The following PBX1 variants were observed in gnomAD, a reference collection of about 807,000 sequenced individuals.
PBX1 encodes pre-B-cell leukemia transcription factor 1.
A neutral mutation model predicts 53.4 loss-of-function variants in PBX1; 6 were observed. The ratio of observed to expected loss-of-function variants is 0.11; its 90% confidence interval spans 0.06 to 0.22. PBX1 has a LOEUF of 0.22. Among genes scored for constraint, PBX1 ranks in the 10% least tolerant of loss-of-function variants. PBX1 has a pLI of 1.00. For synonymous variants in PBX1, 204 were observed against 212.3 expected, an observed-to-expected ratio of 0.96 and a Z score of 0.34; for missense variants, 251 against 551.4, an observed-to-expected ratio of 0.46 and a Z score of 5.46.
In PBX1 at chr1:164,850,055, A is replaced by T. The variant is rs1671755927; in HGVS notation, c.*3379A>T. The T allele has an allele frequency of 4.4e-6, 1 of 226,420 alleles. No individual in the cohort carries two copies. The highest frequency in any genetic ancestry group is 2.2e-5 in the African/African-American group (1 of 44,998). 14.0% of individuals were successfully genotyped at this position (226,420 alleles called of 1,614,324 possible). ...TATTCAGATAAAGAAAAAAAAAACC[A>T]AAAAAGCGGTCTGAATTTAATAGTG... On this transcript the variant is annotated 3_prime_UTR_variant, in exon 9 of 9. Transcript: ENST00000420696.
intron 2 of PBX1, among the ~76,000 whole-genome samples, chr1:164,742,401 G>T (rs868080133): frequency 6.6e-6 from 1 of 152,092 alleles, no homozygotes; most frequent in Middle Eastern, 3.2e-3. Context: ...AATTAGCCAG[G>T]CATGGTGATG....
intron 2 of PBX1, among the ~76,000 whole-genome samples, chr1:164,790,737 C>T (rs1467639832): frequency 6.6e-6 from 1 of 152,234 alleles, no homozygotes; most frequent in Non-Finnish European, 1.5e-5. Flanking sequence ...TTCTGAACAA[C>T]GTTCAGGGTT....
chr1:164,583,987 G>T (rs999636645), intron 2 of PBX1, among the ~76,000 whole-genome samples: 17 of 152,112 alleles, frequency 1.1e-4, no homozygotes, highest in Non-Finnish European at 1.5e-5. Flanking sequence ...TTTTCTCCAA[G>T]ATTGCAAGCT....
chr1:164,638,623 G>C (rs1658932792), intron 2 of PBX1, among the ~76,000 whole-genome samples: 1 of 152,212 alleles, frequency 6.6e-6, no homozygotes, highest in South Asian at 2.1e-4. Flanking sequence ...GACAAGTGGA[G>C]CAGAGCGTGA....
At chr1:164,725,629 A>G (rs1664660211) in intron 2 of PBX1, among the ~76,000 whole-genome samples, 1 of 152,174 alleles carries the variant, frequency 6.6e-6, no homozygotes, top group Admixed American at 6.5e-5. Context: ...TGCTCCTAGC[A>G]ATCCTTAAAC....
In PBX1 at chr1:164,847,639, G is replaced by C; in HGVS notation, c.*963G>C. On this transcript the variant is annotated 3_prime_UTR_variant, in exon 9 of 9. Coordinates refer to ENST00000420696, the MANE Select transcript of PBX1 (RefSeq NM_002585.4). ...CATAGACACACACGTTCATGCACAT[G>C]TAGGCACATGTACCATCTCACATCT... 3.8e-6 allele frequency: 4 copies of C among 1,061,202 alleles called. No individual in the cohort carries two copies. Among genetic ancestry groups the C allele is most frequent in the Non-Finnish European group, 3.4e-6 (3 of 876,734 alleles). 65.7% of individuals were successfully genotyped at this position (1,061,202 alleles called of 1,614,324 possible). A position where few individuals can be genotyped will look rare whatever the true frequency, so the allele number is the denominator to read the frequency against.
intron 2 of PBX1, among the ~76,000 whole-genome samples, chr1:164,724,585 A>C (rs1305873775): frequency 2.0e-5 from 3 of 151,118 alleles, no homozygotes. Flanking sequence ...ACAGTTGGAC[A>C]AGCTTGCGTC....
chr1:164,776,325 G>A (rs1667642814), intron 2 of PBX1, among the ~76,000 whole-genome samples: 1 of 152,170 alleles, frequency 6.6e-6, no homozygotes, highest in South Asian at 2.1e-4. Flanking sequence ...TAAAGGGCAT[G>A]GCCAGCTAAA....
chr1:164,566,359 A>G (rs1203629801), intron 2 of PBX1, among the ~76,000 whole-genome samples: 6 of 152,224 alleles, frequency 3.9e-5, no homozygotes, highest in Non-Finnish European at 7.3e-5. Context: ...GCTAAGAAGA[A>G]GTGCCAGCAA....
intron 2 of PBX1, among the ~76,000 whole-genome samples, chr1:164,723,521 T>TA (rs1664520892): frequency 6.6e-6 from 1 of 152,148 alleles, no homozygotes; most frequent in Non-Finnish European, 1.5e-5. Context: ...TAGATGAATA[T>TA]ACAAACCCTC....
chr1:164,848,811 C>T lies in PBX1; in HGVS notation c.*2135C>T, dbSNP rs1671692863. The T allele has an allele frequency of 9.4e-7, 1 of 1,062,822 alleles. No homozygotes were observed. The highest frequency in any genetic ancestry group is 1.6e-5 in the African/African-American group (1 of 60,888). The allele number at this position is 1,062,822 out of a possible 1,614,324, so 65.8% of individuals were successfully genotyped here. A position where few individuals can be genotyped will look rare whatever the true frequency, so the allele number is the denominator to read the frequency against. The stretch of plus-strand genomic sequence containing the variant: ...AACATGGAAATTCTGCTTGGCACTA[C>T]AGTCATAAATAGAAAACACTGTGTG... On this transcript the variant is annotated 3_prime_UTR_variant, in exon 9 of 9. Coordinates refer to ENST00000420696, the MANE Select transcript of PBX1 (RefSeq NM_002585.4).
rs570903012 is a variant in PBX1 at position 164,644,294 on chromosome 1, C to T, written c.265+80983C>T. Among the ~76,000 whole-genome samples the T allele has an allele frequency of 1.0e-3, 152 of 152,272 alleles. 1 individual carries two copies. Among genetic ancestry groups the T allele is most frequent in the Admixed American group, 1.3e-3 (20 of 15,294 alleles). On this transcript the variant is annotated intron_variant, in intron 2 of 8. Coordinates refer to ENST00000420696, the MANE Select transcript of PBX1 (RefSeq NM_002585.4). ...TTTATTGGTGGATCCACTTTTGTTT[C>T]CTACTAGTACATTACCTATCTAGTC... is the stretch of plus-strand genomic sequence containing the variant.
At chr1:164,751,848 C>A (rs1416973769) in intron 2 of PBX1, among the ~76,000 whole-genome samples, 1 of 152,078 alleles carries the variant, frequency 6.6e-6, no homozygotes, top group African/African-American at 2.4e-5. Flanking sequence ...TCCCAAAGTG[C>A]TGGGATTATA....
chr1:164,707,905 T>C (rs188176527), intron 2 of PBX1, among the ~76,000 whole-genome samples: 18 of 152,338 alleles, frequency 1.2e-4, no homozygotes, highest in Admixed American at 4.6e-4. Context: ...AAGCCCTGCA[T>C]TAAGGCAAGA....
downstream of PBX1, among the ~76,000 whole-genome samples, chr1:164,853,047 CACTT>C (rs746798111): frequency 1.1e-4 from 17 of 152,324 alleles, no homozygotes; most frequent in East Asian, 3.9e-4. Flanking sequence ...AGCTATTTCT[CACTT>C]ACGGTATAGC....
At chr1:164,665,057 G>A (rs1240619170) in intron 2 of PBX1, among the ~76,000 whole-genome samples, 4 of 152,122 alleles carry the variant, frequency 2.6e-5, no homozygotes, top group South Asian at 4.1e-4. Flanking sequence ...TTCTTCAGTG[G>A]AGTTTGAATT....
At chr1:164,660,080 C>T (rs1350575344) in intron 2 of PBX1, among the ~76,000 whole-genome samples, 1 of 152,114 alleles carries the variant, frequency 6.6e-6, no homozygotes, top group African/African-American at 2.4e-5. Flanking sequence ...CATGCTGTTT[C>T]TAAAACTACT....
chr1:164,666,771 T>A (rs1401454177), intron 2 of PBX1, among the ~76,000 whole-genome samples: 1 of 152,154 alleles, frequency 6.6e-6, no homozygotes, highest in Non-Finnish European at 1.5e-5. Flanking sequence ...GCCATTTGCC[T>A]AAAGGAAAAA....
intron 6 of PBX1, 79 bp downstream of exon 6, chr1:164,812,228 T>A: frequency 7.4e-7 from 1 of 1,342,544 alleles, no homozygotes; most frequent in Non-Finnish European, 1.0e-6. Context: ...ATTGGGATTT[T>A]CTTTTAATTT....
Sources: allele counts gnomAD v4.1 joint callset (sites outside exome capture counted in the v4.1 genomes callset), GRCh38; gene constraint gnomAD v4.1.1; transcripts MANE v1.5; gene names NCBI Gene and HGNC (gene_info 2026-07-23, HGNC 2026-07-21).